GRM7: variants seen among roughly 807,000 people sequenced by gnomAD.
GRM7 encodes glutamate metabotropic receptor 7.
Under a neutral mutation model 84.5 loss-of-function variants are expected in GRM7, and 35 were observed. The observed-to-expected ratio is 0.41, with a 90% CI of 0.32 to 0.55. The LOEUF is 0.55. Among genes scored for constraint, GRM7 ranks in the 20% least tolerant of loss-of-function variants. The probability of loss-of-function intolerance (pLI) is 0.19; values close to 1 mark genes in which losing one functional copy is unlikely to be tolerated. For synonymous variants in GRM7, 487 were observed against 455.1 expected (o/e 1.07, Z -0.89); for missense variants, 1,003 against 1,194.6 (o/e 0.84, Z 2.36).
intron 1 of GRM7, among the ~76,000 whole-genome samples, chr3:6,982,886 G>A (rs1195642937): frequency 6.6e-6 from 1 of 152,088 alleles, no homozygotes; most frequent in Admixed American, 6.6e-5. Context: ...TCCCAGAGAA[G>A]GACATTTGGG....
At chr3:7,663,520 A>C (rs770285605) in intron 8 of GRM7, among the ~76,000 whole-genome samples, 1 of 152,230 alleles carries the variant, frequency 6.6e-6, no homozygotes, top group African/African-American at 2.4e-5. Flanking sequence ...CACAACATTC[A>C]TAACACACTG....
chr3:7,674,200 T>C (rs2125134989), intron 8 of GRM7, among the ~76,000 whole-genome samples: 1 of 152,206 alleles, frequency 6.6e-6, no homozygotes, highest in South Asian at 2.1e-4. Context: ...TTTTTTCTTT[T>C]TTTTTTTTGA....
chr3:6,966,303 T>TG (rs1392859154), intron 1 of GRM7, among the ~76,000 whole-genome samples: 1 of 152,216 alleles, frequency 6.6e-6, no homozygotes, highest in African/African-American at 2.4e-5. Context: ...CCTTCACATT[T>TG]GGTTGTTCTC....
chr3:7,420,489 C>T (rs1369940923), intron 5 of GRM7, among the ~76,000 whole-genome samples: 2 of 152,018 alleles, frequency 1.3e-5, no homozygotes, highest in Non-Finnish European at 2.9e-5. Context: ...CATTTTTACA[C>T]CTTTGTGCTT....
intron 7 of GRM7, among the ~76,000 whole-genome samples, chr3:7,495,584 A>G (rs958618539): frequency 2.0e-5 from 3 of 152,106 alleles, no homozygotes; most frequent in African/African-American, 7.2e-5. Flanking sequence ...GTATCTCTCA[A>G]GAGAAAAAAA....
intron 7 of GRM7, among the ~76,000 whole-genome samples, chr3:7,470,560 C>G (rs1698658271): frequency 6.6e-6 from 1 of 152,002 alleles, no homozygotes; most frequent in Admixed American, 6.6e-5. Context: ...AATATGGTTC[C>G]ACAAACATGT....
intron 9 of GRM7, among the ~76,000 whole-genome samples, chr3:7,707,926 T>C (rs924773477): frequency 2.8e-5 from 4 of 140,450 alleles, no homozygotes; most frequent in Non-Finnish European, 4.6e-5. Context: ...CTGTGAAGCT[T>C]TCAATTTTTT....
intron 8 of GRM7, among the ~76,000 whole-genome samples, chr3:7,618,677 C>T (rs1459101070): frequency 6.6e-6 from 1 of 151,970 alleles, no homozygotes; most frequent in Non-Finnish European, 1.5e-5. Flanking sequence ...CCTAAAATTC[C>T]CCTTATGACG....
intron 1 of GRM7, among the ~76,000 whole-genome samples, chr3:6,873,437 A>G (rs1695198285): frequency 6.6e-6 from 1 of 152,312 alleles, no homozygotes. Flanking sequence ...GGTGCTGAAC[A>G]TAGTTCAGAT....
chr3:7,578,393 G>T (rs1479150925), intron 7 of GRM7, 29 bp from the exon 8 acceptor site: 1 of 1,454,316 alleles, frequency 6.9e-7, no homozygotes, highest in South Asian at 1.2e-5. Flanking sequence ...GAATCTGCCT[G>T]ATTCACCTTC....
intron 1 of GRM7, among the ~76,000 whole-genome samples, chr3:6,908,348 T>C (rs1696651776): frequency 6.6e-6 from 1 of 152,236 alleles, no homozygotes; most frequent in South Asian, 2.1e-4. Flanking sequence ...ACTTAGATGA[T>C]GTCTTCTTTT....
chr3:7,192,084 A>T (rs898229330), intron 2 of GRM7, among the ~76,000 whole-genome samples: 2 of 152,172 alleles, frequency 1.3e-5, no homozygotes, highest in African/African-American at 4.8e-5. Context: ...AAGAATGTAA[A>T]TTGTAATGCG....
At chr3:7,308,147 C>T (rs1177792317) in intron 4 of GRM7, among the ~76,000 whole-genome samples, 1 of 152,158 alleles carries the variant, frequency 6.6e-6, no homozygotes, top group Non-Finnish European at 1.5e-5. Flanking sequence ...AAAATCCTTC[C>T]AGTTCTTTAA....
At chr3:7,195,235 G>GTAA (rs1170223502) in intron 2 of GRM7, among the ~76,000 whole-genome samples, 1 of 152,132 alleles carries the variant, frequency 6.6e-6, no homozygotes, top group African/African-American at 2.4e-5. Flanking sequence ...TCTGAATTGT[G>GTAA]TAAATTTCTT....
intron 1 of GRM7, among the ~76,000 whole-genome samples, chr3:6,898,781 C>T (rs1696281102): frequency 6.6e-6 from 1 of 151,118 alleles, no homozygotes; most frequent in Non-Finnish European, 1.5e-5. Context: ...ATGATTGCAC[C>T]TCTGCACTAC....
intron 4 of GRM7, among the ~76,000 whole-genome samples, chr3:7,346,096 T>C (rs192955875): frequency 2.6e-4 from 39 of 152,208 alleles, no homozygotes; most frequent in Non-Finnish European, 2.9e-5. Flanking sequence ...TAAATACTCT[T>C]ATTGTGTTTT....
At chr3:7,364,461 A>C (rs1344064170) in intron 4 of GRM7, among the ~76,000 whole-genome samples, 1 of 151,738 alleles carries the variant, frequency 6.6e-6, no homozygotes, top group Non-Finnish European at 1.5e-5. Context: ...GGTGAGTTTT[A>C]TTATGTTCTC....
intron 1 of GRM7, among the ~76,000 whole-genome samples, chr3:6,954,643 A>G (rs977475691): frequency 6.6e-6 from 1 of 152,184 alleles, no homozygotes; most frequent in Non-Finnish European, 1.5e-5. Context: ...TGTGAGCTCC[A>G]ATTCAGAATT....
chr3:7,074,785 G>A (rs1378769445), intron 1 of GRM7, among the ~76,000 whole-genome samples: 2 of 152,166 alleles, frequency 1.3e-5, no homozygotes, highest in Non-Finnish European at 2.9e-5. Flanking sequence ...TTGCAGATAT[G>A]ATTTTTGGAA....
Sources: allele counts gnomAD v4.1 joint callset (sites outside exome capture counted in the v4.1 genomes callset), GRCh38; gene constraint gnomAD v4.1.1; transcripts MANE v1.5; gene names NCBI Gene and HGNC (gene_info 2026-07-23, HGNC 2026-07-21).